UST: variants seen among roughly 807,000 people sequenced by gnomAD.
UST encodes the protein uronyl 2-sulfotransferase.
UST carries 21 observed loss-of-function variants against 45.6 expected under a neutral mutation model. The observed-to-expected ratio is 0.46, with a 90% CI of 0.33 to 0.66. The LOEUF is 0.66. Among genes scored for constraint, UST ranks in the 30% least tolerant of loss-of-function variants. UST has a pLI of 0.02. For missense variants in UST, 463 were observed against 512.4 expected, an observed-to-expected ratio of 0.90 and a Z score of 0.93; for synonymous variants, 215 against 200.6, an observed-to-expected ratio of 1.07 and a Z score of -0.61.
intron 1 of UST, among the ~76,000 whole-genome samples, chr6:148,824,373 T>C (rs1018387103): frequency 6.6e-6 from 1 of 152,192 alleles, no homozygotes; most frequent in Non-Finnish European, 1.5e-5. Flanking sequence ...GACATTTCCT[T>C]GGCCTCCTGC....
intron 5 of UST, among the ~76,000 whole-genome samples, chr6:148,993,881 C>T (rs911266375): frequency 1.1e-4 from 16 of 151,968 alleles, no homozygotes. Flanking sequence ...ACCATGCTTC[C>T]TGCACAGCCT....
intron 1 of UST, among the ~76,000 whole-genome samples, chr6:148,843,577 C>A (rs4897060): frequency 0.51 from 77,244 of 151,944 alleles, 20,859 homozygotes; most frequent in East Asian, 0.94. Flanking sequence ...TAACTCTCTT[C>A]GGCATTTTGC....
chr6:149,033,848 A>G (rs1776191311), intron 7 of UST, among the ~76,000 whole-genome samples: 1 of 152,222 alleles, frequency 6.6e-6, no homozygotes, highest in Non-Finnish European at 1.5e-5. Context: ...TAAAAATCAA[A>G]TAGTCCTATA....
intron 3 of UST, among the ~76,000 whole-genome samples, chr6:148,949,895 G>T (rs1211959671): frequency 6.6e-6 from 1 of 152,168 alleles, no homozygotes; most frequent in Non-Finnish European, 1.5e-5. Context: ...GGAAGGTCAT[G>T]TTCAAAACCA....
intron 3 of UST, among the ~76,000 whole-genome samples, chr6:148,950,622 GTTC>G (rs1780346287): frequency 6.6e-6 from 1 of 152,094 alleles, no homozygotes; most frequent in Non-Finnish European, 1.5e-5. Context: ...ATCATTTTAT[GTTC>G]TGCCTTTTGT....
chr6:149,066,614 A>T (rs188522879), intron 7 of UST, among the ~76,000 whole-genome samples: 159 of 152,248 alleles, frequency 1.0e-3, no homozygotes, highest in African/African-American at 3.6e-3. Context: ...CGGGGGATTT[A>T]GGGAGGGATT....
intron 2 of UST, among the ~76,000 whole-genome samples, chr6:148,897,665 T>C (rs1255152734): frequency 6.6e-6 from 1 of 151,440 alleles, no homozygotes; most frequent in Non-Finnish European, 1.5e-5. Context: ...CTAACTTTTT[T>C]TTTTTGGTAG....
chr6:148,971,613 G>A (rs1316326363), intron 5 of UST, among the ~76,000 whole-genome samples: 8 of 152,132 alleles, frequency 5.3e-5, no homozygotes, highest in African/African-American at 1.7e-4. Context: ...CCAGGCATAG[G>A]GCACATACAA....
At chr6:148,780,088 TACAC>T (rs539630954) in intron 1 of UST, among the ~76,000 whole-genome samples, 60 of 112,642 alleles carry the variant, frequency 5.3e-4, no homozygotes, top group Middle Eastern at 5.2e-3. Context: ...TGTATATATA[TACAC>T]ACACACACAC....
At chr6:148,988,170 A>G (rs896541517) in intron 5 of UST, among the ~76,000 whole-genome samples, 1 of 152,098 alleles carries the variant, frequency 6.6e-6, no homozygotes, top group Non-Finnish European at 1.5e-5. Context: ...AAGGCAGTGA[A>G]GGGTGCTGGG....
chr6:148,802,572 C>T (rs1013664834), intron 1 of UST, among the ~76,000 whole-genome samples: 3 of 152,068 alleles, frequency 2.0e-5, no homozygotes, highest in East Asian at 3.9e-4. Flanking sequence ...ATTTCATTTT[C>T]TCTCTCTCTC....
At chr6:148,866,787 T>C (rs1444635817) in intron 1 of UST, among the ~76,000 whole-genome samples, 1 of 152,220 alleles carries the variant, frequency 6.6e-6, no homozygotes, top group Non-Finnish European at 1.5e-5. Context: ...TCAATGCCTC[T>C]TTGTACTATC....
intron 7 of UST, among the ~76,000 whole-genome samples, chr6:149,024,679 G>A (rs1294925349): frequency 6.6e-6 from 1 of 152,174 alleles, no homozygotes; most frequent in African/African-American, 2.4e-5. Flanking sequence ...CAAGTTTCTA[G>A]TTACTTCACC....
chr6:148,927,445 A>C (rs906032427), intron 2 of UST, among the ~76,000 whole-genome samples: 1 of 152,208 alleles, frequency 6.6e-6, no homozygotes, highest in African/African-American at 2.4e-5. Context: ...TTTCCATGAG[A>C]AGAAAAAATA....
In UST at chr6:148,922,492, C is replaced by CTTT. The variant is rs10634690; in HGVS notation, c.292-18775_292-18773dup. 6.9e-3 allele frequency among the ~76,000 whole-genome samples: 975 copies of CTTT among 140,742 alleles called. 14 individuals carry two copies. Among genetic ancestry groups the CTTT allele is most frequent in the Middle Eastern group, 0.022 (6 of 278 alleles). The allele number at this position is 140,742 out of a possible 152,430, so 92.3% of individuals were successfully genotyped here. A position where few individuals can be genotyped will look rare whatever the true frequency, so the allele number is the denominator to read the frequency against. ...TTGCATAGAGATGATCTTTCTTTTTCTTTTTTTTTTTTTTGAGTCGGAGTC... is the reference window on the plus strand; with the variant it reads ...TTGCATAGAGATGATCTTTCTTTTTCTTTTTTTTTTTTTTTTTGAGTCGGAGTC... On this transcript the variant is annotated intron_variant, in intron 2 of 7. Transcript: ENST00000367463.
intron 1 of UST, among the ~76,000 whole-genome samples, chr6:148,793,352 A>AGCT (rs1776887588): frequency 6.6e-6 from 1 of 152,104 alleles, no homozygotes; most frequent in African/African-American, 2.4e-5. Context: ...CATAAGTGAC[A>AGCT]GCTTACTGAA....
At chr6:148,913,317 T>C (rs1405721464) in intron 2 of UST, among the ~76,000 whole-genome samples, 1 of 152,046 alleles carries the variant, frequency 6.6e-6, no homozygotes, top group Admixed American at 6.6e-5. Context: ...GCCTTTATTT[T>C]AGACTCTGCC....
intron 4 of UST, chr6:148,955,662 T>C (rs1780478725): frequency 6.6e-6 from 1 of 152,260 alleles, no homozygotes; most frequent in African/African-American, 2.4e-5. Flanking sequence ...GCTTATTAGC[T>C]CTTTCAGGCA....
At chr6:148,978,084 A>C (rs995771175) in intron 5 of UST, among the ~76,000 whole-genome samples, 10 of 152,204 alleles carry the variant, frequency 6.6e-5, no homozygotes, top group South Asian at 6.2e-4. Context: ...TATTACCTTT[A>C]ACTCAGTCAC....
Sources: allele counts gnomAD v4.1 joint callset (sites outside exome capture counted in the v4.1 genomes callset), GRCh38; gene constraint gnomAD v4.1.1; transcripts MANE v1.5; gene names NCBI Gene and HGNC (gene_info 2026-07-23, HGNC 2026-07-21).